Variants in CLDND1 observed in about 807,000 individuals in gnomAD.
CLDND1 encodes claudin domain-containing protein 1.
A neutral mutation model predicts 26.3 loss-of-function variants in CLDND1; 13 were observed. The observed-to-expected ratio is 0.49, with a 90% CI of 0.32 to 0.78. CLDND1 has a LOEUF of 0.78. Among genes scored for constraint, CLDND1 ranks in the 30% least tolerant of loss-of-function variants. The pLI, the probability that CLDND1 is intolerant of heterozygous loss-of-function variation, is 0.03. For synonymous variants in CLDND1, 107 were observed against 107.0 expected (o/e 1.00, Z 0.00); for missense variants, 289 against 312.8 (o/e 0.92, Z 0.57).
chr3:98,521,746 C>G, intron 1 of CLDND1: 2 of 1,536,810 alleles, frequency 1.3e-6, no homozygotes, highest in Non-Finnish European at 1.8e-6. Flanking sequence ...ATTACAGATA[C>G]AAACAATAGA....
Position 98,521,460 on chromosome 3 carries a change from A to G in CLDND1, c.-18-18T>C. On this transcript the variant is annotated intron_variant, in intron 1 of 4. Coordinates refer to ENST00000341181, the MANE Select transcript of CLDND1 (RefSeq NM_001040181.2). ...AGACTGCTCTGTTTAGAAGTTGAAG[A>G]AAGAAGATAAGTTAGAGTTTACGGA... 1 of 1,600,114 alleles carries G rather than the reference A, an allele frequency of 6.2e-7. No individual in the cohort carries two copies. Among genetic ancestry groups the G allele is most frequent in the Non-Finnish European group, 8.5e-7 (1 of 1,172,186 alleles).
chr3:98,520,508 C>G (rs1706362052), intron 2 of CLDND1, among the ~76,000 whole-genome samples: 1 of 151,408 alleles, frequency 6.6e-6, no homozygotes, highest in Non-Finnish European at 1.5e-5. Context: ...AACTGGAAAT[C>G]AAAATCTTTA....
chr3:98,517,176 G>C lies in CLDND1; in HGVS notation c.417C>G (p.Cys139Trp). 6.2e-7 allele frequency: 1 copy of C among 1,612,584 alleles called. No homozygotes were observed. The highest frequency in any genetic ancestry group is 1.1e-5 in the South Asian group (1 of 90,514). ...IDLLRTYLWR[C>W]QFLLPFVSLG... ...AACTCACAAAAGGTAAAAGGAACTG[G>C]CAACGCCAAAGATCTGATTTTTAAA... Residue 139 changes from cysteine to tryptophan, a missense_variant, in exon 4 of 5, where the codon TGC becomes TGG. Transcript: ENST00000341181.
Position 98,515,933 on chromosome 3 carries a change from G to A in CLDND1, c.*726C>T. ...ATAACCCTGGTATGTGAAGAGGAAA[G>A]AAAAAAAATCCAAAACAATTTGGTG... On this transcript the variant is annotated 3_prime_UTR_variant, in exon 5 of 5. Coordinates refer to ENST00000341181, the MANE Select transcript of CLDND1 (RefSeq NM_001040181.2). 1.3e-5 allele frequency: 15 copies of A among 1,197,012 alleles called. No homozygotes were observed. In the Admixed American group the frequency reaches 1.9e-4, roughly 15 times the overall value. The allele number at this position is 1,197,012 out of a possible 1,614,324, so 74.1% of individuals were successfully genotyped here.
Position 98,518,882 on chromosome 3 carries a change from C to T in CLDND1, c.403+3G>A. ...ACTGTCCTGGTGAAATCAAAGTACT[C>T]ACAGGTCCTAAGGAGATCAATCCCG... On this transcript the variant is annotated splice_donor_region_variant and intron_variant, in intron 3 of 4. Transcript: ENST00000341181. 1 of 1,558,556 alleles carries T rather than the reference C, an allele frequency of 6.4e-7. No individual in the cohort carries two copies. The highest frequency in any genetic ancestry group is 8.9e-7 in the Non-Finnish European group (1 of 1,129,490).
At position 98,516,511 on chromosome 3, in the gene CLDND1, T is replaced by C. The variant is rs1233662481; in HGVS notation, c.*148A>G. On this transcript the variant is annotated 3_prime_UTR_variant, in exon 5 of 5. Transcript: ENST00000341181. ...ATTTTAGTGGTATTAAGTGTGTATT[T>C]AGTGGTGAATGTGTATAAATAAAAT... The C allele has an allele frequency of 2.1e-6, 3 of 1,416,124 alleles. No homozygotes were observed. The highest frequency in any genetic ancestry group is 5.0e-5 in the East Asian group (2 of 39,714). The allele number at this position is 1,416,124 out of a possible 1,614,324, so 87.7% of individuals were successfully genotyped here. A position where few individuals can be genotyped will look rare whatever the true frequency, so the allele number is the denominator to read the frequency against.
chr3:98,522,613 T>G, intron 1 of CLDND1: 1 of 1,388,274 alleles, frequency 7.2e-7, no homozygotes, highest in East Asian at 2.9e-5. Flanking sequence ...CTCCTGGGCC[T>G]CACGGCGGGG....
At chr3:98,522,755 G>A (rs972009354) in intron 1 of CLDND1, 94 bp downstream of exon 1, 5 of 1,607,306 alleles carry the variant, frequency 3.1e-6, no homozygotes, top group Admixed American at 1.7e-5. Context: ...CGCCCAGCCC[G>A]ACCACGCCCG....
intron 3 of CLDND1, among the ~76,000 whole-genome samples, chr3:98,518,474 A>G (rs1425819596): frequency 6.6e-6 from 1 of 152,204 alleles, no homozygotes. Context: ...AACACTTTTG[A>G]CAGGCCTGAC....
intron 1 of CLDND1, chr3:98,522,621 G>T: frequency 7.2e-7 from 1 of 1,389,654 alleles, no homozygotes; most frequent in Non-Finnish European, 9.3e-7. Context: ...CCTCACGGCG[G>T]GGCCGGAGAA....
At chr3:98,518,038 T>C (rs1706227329) in intron 3 of CLDND1, among the ~76,000 whole-genome samples, 1 of 152,158 alleles carries the variant, frequency 6.6e-6, no homozygotes, top group South Asian at 2.1e-4. Flanking sequence ...TTATCATAAA[T>C]CTCTCATCAA....
chr3:98,518,597 TA>T, intron 3 of CLDND1: 3 of 343,342 alleles, frequency 8.7e-6, no homozygotes, highest in Non-Finnish European at 1.6e-5. Context: ...TTATCTCAAC[TA>T]AATTTCCTTT....
rs924389722 is a variant in CLDND1 at position 98,521,550 on chromosome 3, T to C, written c.-18-108A>G. On this transcript the variant is annotated intron_variant, in intron 1 of 4. Transcript: ENST00000341181. The stretch of plus-strand genomic sequence containing the variant: ...CTTTACCCAATTCCCCATCCCTTCG[T>C]ACATATAACCATTAAGAATTTTTTT... The C allele has an allele frequency of 4.1e-6, 6 of 1,461,586 alleles. No homozygotes were observed. The African/African-American group carries it at 8.4e-5, about 20-fold the overall frequency. The allele number at this position is 1,461,586 out of a possible 1,614,324, so 90.5% of individuals were successfully genotyped here.
intron 1 of CLDND1, chr3:98,522,241 T>A (rs1411211166): frequency 6.3e-6 from 1 of 157,698 alleles, no homozygotes; most frequent in Non-Finnish European, 1.4e-5. Context: ...GACAGAAAAC[T>A]CTCAACATAT....
chr3:98,517,881 C>A (rs1706216686), intron 3 of CLDND1, among the ~76,000 whole-genome samples: 1 of 152,126 alleles, frequency 6.6e-6, no homozygotes, highest in Non-Finnish European at 1.5e-5. Context: ...ATCAGTCTGA[C>A]TCTACCTACC....
rs1422476560 is a variant in CLDND1 at position 98,521,319 on chromosome 3, G to A, written c.106C>T (p.Arg36Ter). The change falls in exon 2 of 5, where the codon CGA becomes TGA. Residue 36 changes from arginine (R) to a stop codon, truncating the protein, a stop_gained. Coordinates refer to ENST00000341181, the MANE Select transcript of CLDND1 (RefSeq NM_001040181.2). LOFTEE classifies it high-confidence loss of function. The part of the protein sequence containing the change: ...SIGTDFWYEY[R>*]SPVQENSSDL... ...CTGGAATTTTCTTGAACTGGACTTC[G>A]ATATTCATACCAGAAGTCTGTGCCA... The A allele has an allele frequency of 1.2e-6, 2 of 1,613,988 alleles. No homozygotes were observed. The highest frequency in any genetic ancestry group is 1.7e-6 in the Non-Finnish European group (2 of 1,180,010).
In CLDND1 at chr3:98,515,620, T is replaced by G. The variant is rs925990448; in HGVS notation, c.*1039A>C. 68 of 1,117,774 alleles carry G rather than the reference T, an allele frequency of 6.1e-5. No homozygotes were observed. Among genetic ancestry groups the G allele is most frequent in the Non-Finnish European group, 7.5e-5 (67 of 893,442 alleles). The allele number at this position is 1,117,774 out of a possible 1,614,324, so 69.2% of individuals were successfully genotyped here. A position where few individuals can be genotyped will look rare whatever the true frequency, so the allele number is the denominator to read the frequency against. Reference sequence around the variant, plus strand: ...TAAGTTTTTTAAAGTTCAATGTTTATAGACATACTTATAAAAAAATGACTG... The same window carrying G: ...TAAGTTTTTTAAAGTTCAATGTTTAGAGACATACTTATAAAAAAATGACTG... On this transcript the variant is annotated 3_prime_UTR_variant, in exon 5 of 5. Coordinates refer to ENST00000341181, the MANE Select transcript of CLDND1 (RefSeq NM_001040181.2).
rs1194558817 is a variant in CLDND1, at chr3:98,516,614, T to C, written c.*45A>G. Reference sequence around the variant, plus strand: ...GAGGTGGGGAAAATATCAGTATTATTTTAAAAAAATAAAAATGGCAATTGT... The same window carrying C: ...GAGGTGGGGAAAATATCAGTATTATCTTAAAAAAATAAAAATGGCAATTGT... On this transcript the variant is annotated 3_prime_UTR_variant, in exon 5 of 5. Transcript: ENST00000341181. 1.3e-6 allele frequency: 2 copies of C among 1,568,094 alleles called. No individual in the cohort carries two copies. The highest frequency in any genetic ancestry group is 1.9e-5 in the Admixed American group (1 of 51,932).
chr3:98,516,964 T>C (rs1706167370), intron 4 of CLDND1, 85 bp from the exon 5 acceptor site: 8 of 1,607,516 alleles, frequency 5.0e-6, no homozygotes, highest in Non-Finnish European at 6.8e-6. Context: ...GACAGGGCAG[T>C]TAATACGTGA....
Sources: allele counts gnomAD v4.1 joint callset (sites outside exome capture counted in the v4.1 genomes callset), GRCh38; gene constraint gnomAD v4.1.1; transcripts MANE v1.5; gene names NCBI Gene and HGNC (gene_info 2026-07-23, HGNC 2026-07-21).